ELAC2: variants seen among roughly 807,000 people sequenced by gnomAD.
ELAC2 encodes elaC ribonuclease Z 2.
ELAC2 carries 92 observed loss-of-function variants against 105.2 expected under a neutral mutation model. The ratio of observed to expected loss-of-function variants is 0.87; its 90% CI spans 0.74 to 1.04. The LOEUF (loss-of-function observed/expected upper bound fraction) is 1.04. Among genes scored for constraint, ELAC2 ranks in the 50% least tolerant of loss-of-function variants. The pLI, the probability that ELAC2 is intolerant of heterozygous loss-of-function variation, is 0.00. For synonymous variants in ELAC2, 468 were observed against 409.1 expected (o/e 1.14, Z -1.74); for missense variants, 1,099 against 1,071.7 (o/e 1.03, Z -0.36).
chr17:13,009,318 T>C (rs56988654), intron 8 of ELAC2, among the ~76,000 whole-genome samples: 30 of 152,052 alleles, frequency 2.0e-4, no homozygotes, highest in Non-Finnish European at 3.1e-4. Flanking sequence ...AAAATCAACA[T>C]TAAAAAATAA....
In ELAC2 at chr17:13,005,022, A is replaced by G; in HGVS notation, c.950T>C (p.Ile317Thr). ...VVVECPDESFIQPICENATFQ... is the reference protein window; with the variant it reads ...VVVECPDESFTQPICENATFQ... ...GGTGGCATTCTCACAGATGGGTTGA[A>G]TGAAGCTTTCATCTGGACATTCTAC... is the stretch of plus-strand genomic sequence containing the variant. Residue 317 changes from isoleucine to threonine, a missense_variant, in exon 11 of 24, where the codon ATT (isoleucine) becomes ACT (threonine). Coordinates refer to ENST00000338034, the MANE Select transcript of ELAC2 (RefSeq NM_018127.7). 1 of 1,614,168 alleles carries G rather than the reference A, an allele frequency of 6.2e-7. No homozygotes were observed. The highest frequency in any genetic ancestry group is 8.5e-7 in the Non-Finnish European group (1 of 1,180,008).
intron 5 of ELAC2, 93 bp from the exon 6 acceptor site, chr17:13,013,368 T>C: frequency 7.5e-7 from 1 of 1,332,064 alleles, no homozygotes; most frequent in South Asian, 1.2e-5. Flanking sequence ...GCAACTGAAT[T>C]GCCTCAGAAT....
chr17:12,994,858 G>A lies in ELAC2; in HGVS notation c.1935C>T (p.Cys645=), dbSNP rs2040389247. 1.2e-6 allele frequency: 2 copies of A among 1,613,972 alleles called. No individual in the cohort carries two copies. The highest frequency in any genetic ancestry group is 2.7e-5 in the African/African-American group (2 of 74,942). ...EEFQTCLVRH[C]KHAFGCALVH... Reference sequence around the variant, plus strand: ...CCAGCGCACAGCCAAACGCATGCTTGCAGTGCCGCACCAGACAGGTCTGAA... The same window carrying A: ...CCAGCGCACAGCCAAACGCATGCTTACAGTGCCGCACCAGACAGGTCTGAA... Residue 645 remains cysteine, a synonymous_variant, in exon 21 of 24, where the codon TGC becomes TGT. Transcript: ENST00000338034.
At chr17:13,010,083 G>A (rs558209842) in intron 8 of ELAC2, among the ~76,000 whole-genome samples, 1 of 152,030 alleles carries the variant, frequency 6.6e-6, no homozygotes, top group South Asian at 2.1e-4. Context: ...GAGAAACAGA[G>A]CATCTAAACT....
chr17:12,996,560 G>A lies in ELAC2; in HGVS notation c.1646C>T (p.Ala549Val), dbSNP rs753617499. Reference sequence around the variant, plus strand: ...CCCAACACTCACCGTGTGGTGATCTGCGTGCAGGTGGGACACAAACACAGC... The same window carrying A: ...CCCAACACTCACCGTGTGGTGATCTACGTGCAGGTGGGACACAAACACAGC... ...LAAVFVSHLH[A>V]DHHTGLPSIL... Residue 549 changes from alanine to valine, a missense_variant, in exon 17 of 24, where the codon GCA becomes GTA. Ala to Val is a moderately conservative substitution (Grantham distance 64). Transcript: ENST00000338034. 1 of 1,613,998 alleles carries A rather than the reference G, an allele frequency of 6.2e-7. No individual in the cohort carries two copies. Among genetic ancestry groups the A allele is most frequent in the African/African-American group, 1.3e-5 (1 of 75,046 alleles).
At position 12,994,789 on chromosome 17, in the gene ELAC2, C is replaced by G; in HGVS notation, c.2004G>C (p.Met668Ile). ...GWKVVYSGDT[M>I]PCEALVRMGK... ...CCATCCGGACCAGAGCCTCGCAGGG[C>G]ATGGTGTCCCCGGAATAGACCACTT... The change falls in exon 21 of 24, where the codon ATG becomes ATC. Residue 668 changes from methionine to isoleucine, a missense_variant. Physicochemically the swap from Met to Ile is conservative, Grantham distance 10. Transcript: ENST00000338034. 2 of 1,614,002 alleles carry G rather than the reference C, an allele frequency of 1.2e-6. No homozygotes were observed. Among genetic ancestry groups the G allele is most frequent in the Non-Finnish European group, 1.7e-6 (2 of 1,180,042 alleles).
intron 1 of ELAC2, 101 bp from the exon 2 acceptor site, chr17:13,017,222 G>A (rs888867523): frequency 6.6e-5 from 73 of 1,104,856 alleles, no homozygotes; most frequent in East Asian, 3.2e-4. Flanking sequence ...AAAAAAAAAA[G>A]AAAAAAAAAT....
intron 14 of ELAC2, 22 bp downstream of exon 14, chr17:13,002,252 A>G: frequency 6.2e-7 from 1 of 1,613,560 alleles, no homozygotes. Flanking sequence ...AGACGATTCC[A>G]TTAGTTCAAG....
chr17:13,002,626 C>T (rs1278659756), intron 12 of ELAC2, 47 bp from the exon 13 acceptor site: 1 of 1,565,184 alleles, frequency 6.4e-7, no homozygotes, highest in African/African-American at 1.4e-5. Flanking sequence ...TAGGAGGCAG[C>T]TCCCCCTGAG....
Position 13,017,894 on chromosome 17 carries a change from C to T in ELAC2, c.54G>A (p.Gln18=), listed in dbSNP as rs1236266211. Residue 18 remains glutamine (Q), a synonymous_variant, in exon 1 of 24, where the codon CAG becomes CAA. Coordinates refer to ENST00000338034, the MANE Select transcript of ELAC2 (RefSeq NM_018127.7). ...LRSAAGRTMS[Q]GRTISQAPAR... ...CGGGTGCCTGCGATATGGTGCGTCC[C>T]TGCGACATGGTGCGTCCGGCCGCGG... 1 of 1,545,368 alleles carries T rather than the reference C, an allele frequency of 6.5e-7. No individual in the cohort carries two copies. The highest frequency in any genetic ancestry group is 8.7e-7 in the Non-Finnish European group (1 of 1,148,014).
At chr17:13,005,243 C>G (rs565483398) in intron 10 of ELAC2, 142 bp from the exon 11 acceptor site, 2 of 719,866 alleles carry the variant, frequency 2.8e-6, no homozygotes, top group African/African-American at 1.7e-5. Context: ...TTACACATCA[C>G]CATCAACACC....
chr17:12,996,607 G>A lies in ELAC2; in HGVS notation c.1599C>T (p.Asp533=). 1 of 1,614,046 alleles carries A rather than the reference G, an allele frequency of 6.2e-7. No homozygotes were observed. The highest frequency in any genetic ancestry group is 8.5e-7 in the Non-Finnish European group (1 of 1,180,028). The change falls in exon 17 of 24, where the codon GAC becomes GAT. Residue 533 remains aspartate (D), a synonymous_variant. Coordinates refer to ENST00000338034, the MANE Select transcript of ELAC2 (RefSeq NM_018127.7). ...CAGCAGCCAGGGTGCCCAGGACCCTGTCCACCTGGTCTCCGTAATGACGGC... is the reference window on the plus strand; with the variant it reads ...CAGCAGCCAGGGTGCCCAGGACCCTATCCACCTGGTCTCCGTAATGACGGC... ...QLCRHYGDQV[D]RVLGTLAAVF...
rs1041310323 is a variant in ELAC2 at position 12,992,967 on chromosome 17, T to G, written c.2332A>C (p.Met778Leu). The G allele has an allele frequency of 1.2e-6, 2 of 1,602,428 alleles. No individual in the cohort carries two copies. The highest frequency in any genetic ancestry group is 1.7e-6 in the Non-Finnish European group (2 of 1,172,658). The part of the protein sequence containing the change: ...KALFAGDIEE[M>L]EERREKRELR... ...TCCCGCTTCTCCCTGCGCTCCTCCA[T>G]CTCCTCGATGTCGCCAGCAAACAGG... The change falls in exon 24 of 24, where the codon ATG becomes CTG. Residue 778 changes from methionine (M) to leucine (L), a missense_variant. By Grantham distance (15) the Met-to-Leu change is conservative. Coordinates refer to ENST00000338034, the MANE Select transcript of ELAC2 (RefSeq NM_018127.7).
chr17:13,006,220 A>C, intron 8 of ELAC2: 5 of 479,890 alleles, frequency 1.0e-5, no homozygotes, highest in East Asian at 4.1e-5. Flanking sequence ...AAAATACAAA[A>C]TTGGCCAGGC....
rs765237141 is a variant in ELAC2 at position 13,002,600 on chromosome 17, C to A, written c.1080-21G>T. ...CAAACCTGTGAAGAAACAGACCCGG[C>A]ATTTGCAGCGTCTGTTAGGAGGCAG... is the stretch of plus-strand genomic sequence containing the variant. On this transcript the variant is annotated intron_variant, in intron 12 of 23. Coordinates refer to ENST00000338034, the MANE Select transcript of ELAC2 (RefSeq NM_018127.7). 3 of 1,585,404 alleles carry A rather than the reference C, an allele frequency of 1.9e-6. No homozygotes were observed. In the South Asian group the frequency reaches 3.4e-5, roughly 18 times the overall value.
At position 12,991,863 on chromosome 17, in the gene ELAC2, ACTTACTTTACTT is replaced by A. The variant is rs980662230; in HGVS notation, c.*943_*954del. ...CTAGATTCAACTTACTTACTTACTT[ACTTACTTTACTT>A]ACTTACTTCCTTGGAAAATGCTCTC... On this transcript the variant is annotated 3_prime_UTR_variant, in exon 24 of 24. Coordinates refer to ENST00000338034, the MANE Select transcript of ELAC2 (RefSeq NM_018127.7). 2.4e-5 allele frequency among the ~76,000 whole-genome samples: 3 copies of A among 126,708 alleles called. No homozygotes were observed. Among genetic ancestry groups the A allele is most frequent in the Non-Finnish European group, 5.8e-5 (3 of 52,052 alleles). 83.1% of individuals were successfully genotyped at this position (126,708 alleles called of 152,430 possible). A position where few individuals can be genotyped will look rare whatever the true frequency, so the allele number is the denominator to read the frequency against.
chr17:13,000,698 T>C (rs1245893427), intron 14 of ELAC2: 2 of 259,522 alleles, frequency 7.7e-6, no homozygotes, highest in Middle Eastern at 1.5e-3. Context: ...CTGAAACTCA[T>C]GTTCACACCC....
chr17:13,016,456 T>C (rs1178432412), intron 3 of ELAC2, among the ~76,000 whole-genome samples: 1 of 152,142 alleles, frequency 6.6e-6, no homozygotes, highest in Non-Finnish European at 1.5e-5. Flanking sequence ...TCACAGCTTT[T>C]AATGCTCTGT....
intron 14 of ELAC2, among the ~76,000 whole-genome samples, chr17:13,001,799 T>C (rs1372838962): frequency 6.6e-6 from 1 of 152,150 alleles, no homozygotes; most frequent in East Asian, 1.9e-4. Context: ...GGAATACCAA[T>C]AAAAATCTTG....
Sources: gnomAD v4.1 joint callset for allele counts (sites outside exome capture counted in the v4.1 genomes callset) on GRCh38, gnomAD v4.1.1 for gene constraint, MANE v1.5 for transcripts, NCBI Gene and HGNC (gene_info 2026-07-23, HGNC 2026-07-21) for gene names.